The following APAF1 variants were observed in gnomAD, a reference collection of about 807,000 sequenced individuals.
The protein encoded by APAF1 is apoptotic protease-activating factor 1.
Under a neutral mutation model 152.4 loss-of-function variants are expected in APAF1, and 91 were observed. The observed-to-expected ratio is 0.60, with a 90% confidence interval of 0.50 to 0.71. APAF1 has a LOEUF of 0.71. Ranked by LOEUF, APAF1 falls within the 30% of genes least tolerant of loss-of-function variation. The pLI is 0.00. For missense variants in APAF1, 1,283 were observed against 1,472.0 expected, an observed-to-expected ratio of 0.87 and a Z score of 2.10; for synonymous variants, 484 against 494.1, an observed-to-expected ratio of 0.98 and a Z score of 0.27.
rs531599884 is a variant in APAF1 at position 98,664,906 on chromosome 12, A to G, written c.956-647A>G. On this transcript the variant is annotated intron_variant, in intron 7 of 26. Transcript: ENST00000551964. ...AATATTTTTTTGAAAAAAATTTACC[A>G]GTGGCATAATATTGATATATCTTAA... is the stretch of plus-strand genomic sequence containing the variant. 2.0e-5 allele frequency among the ~76,000 whole-genome samples: 3 copies of G among 152,332 alleles called. No individual in the cohort carries two copies. In the East Asian group the frequency reaches 5.8e-4, roughly 29 times the overall value.
chr12:98,664,051 A>T (rs2097669060), intron 7 of APAF1, among the ~76,000 whole-genome samples: 1 of 151,406 alleles, frequency 6.6e-6, no homozygotes. Context: ...GACGAGTCTC[A>T]CTCTGTCGCC....
Position 98,671,620 on chromosome 12 carries a change from A to G in APAF1, c.1694A>G (p.Gln565Arg), listed in dbSNP as rs758454889. 1.9e-6 allele frequency: 3 copies of G among 1,613,978 alleles called. No individual in the cohort carries two copies. Among genetic ancestry groups the G allele is most frequent in the Non-Finnish European group, 2.5e-6 (3 of 1,179,994 alleles). ...LGRQPFPNIVQLGLCEPETSE... is the reference protein window; with the variant it reads ...LGRQPFPNIVRLGLCEPETSE... ...CGACAGCCATTTCCTAATATTGTAC[A>G]ACTGGGTCTCTGTGAGCCGGAAACT... The change falls in exon 12 of 27, where the codon CAA becomes CGA. Residue 565 changes from glutamine to arginine, a missense_variant. Physicochemically the swap from Gln to Arg is conservative, Grantham distance 43 (BLOSUM62 1). Coordinates refer to ENST00000551964, the MANE Select transcript of APAF1 (RefSeq NM_181861.2).
chr12:98,691,383 CA>C (rs1210013609), intron 16 of APAF1, among the ~76,000 whole-genome samples: 1 of 152,038 alleles, frequency 6.6e-6, no homozygotes, highest in Non-Finnish European at 1.5e-5. Context: ...CTTATAAAGC[CA>C]AAAAGTGAAA....
chr12:98,705,402 C>CA (rs1448051381), intron 18 of APAF1, among the ~76,000 whole-genome samples: 2 of 152,132 alleles, frequency 1.3e-5, no homozygotes, highest in African/African-American at 4.8e-5. Context: ...GAACCACTTT[C>CA]ATTTTTGGCC....
chr12:98,653,689 A>ATATAT (rs1335358276), intron 4 of APAF1, among the ~76,000 whole-genome samples: 61 of 23,962 alleles, frequency 2.5e-3, no homozygotes, highest in Non-Finnish European at 4.2e-3. Flanking sequence ...AAAAAAAAAA[A>ATATAT]AAATATATAT....
intron 10 of APAF1, 40 bp downstream of exon 10, chr12:98,667,684 C>T: frequency 6.2e-7 from 1 of 1,602,558 alleles, no homozygotes; most frequent in Non-Finnish European, 8.5e-7. Context: ...TCTGACTTCC[C>T]TTTTTCCATA....
intron 16 of APAF1, among the ~76,000 whole-genome samples, chr12:98,696,714 T>C (rs2097710342): frequency 6.6e-6 from 1 of 152,106 alleles, no homozygotes; most frequent in Non-Finnish European, 1.5e-5. Flanking sequence ...CAGGCTGGTC[T>C]TGAACTCCTG....
chr12:98,653,784 A>G lies in APAF1; in HGVS notation c.526+4100A>G, dbSNP rs565512048. ...AACCCAGTTGTCTTTTGAAATTTCA[A>G]TGCTTTAATTTTTTCTTATTTGTAG... On this transcript the variant is annotated intron_variant, in intron 4 of 26. Transcript: ENST00000551964. 7.5e-4 allele frequency among the ~76,000 whole-genome samples: 103 copies of G among 137,638 alleles called. 1 individual carries two copies. The highest frequency in any genetic ancestry group is 2.5e-3 in the African/African-American group (93 of 37,346). 90.3% of individuals were successfully genotyped at this position (137,638 alleles called of 152,430 possible).
chr12:98,694,280 T>A (rs951927888), intron 16 of APAF1, among the ~76,000 whole-genome samples: 1 of 152,236 alleles, frequency 6.6e-6, no homozygotes, highest in Admixed American at 6.5e-5. Flanking sequence ...AAGTGGAACC[T>A]AATTAAATGA....
Position 98,659,146 on chromosome 12 carries a change from C to T in APAF1, c.527-14C>T, listed in dbSNP as rs1183837755. 1 of 1,613,750 alleles carries T rather than the reference C, an allele frequency of 6.2e-7. No individual in the cohort carries two copies. The highest frequency in any genetic ancestry group is 1.3e-5 in the African/African-American group (1 of 74,906). On this transcript the variant is annotated splice_polypyrimidine_tract_variant and intron_variant, in intron 4 of 26. Coordinates refer to ENST00000551964, the MANE Select transcript of APAF1 (RefSeq NM_181861.2). ...GTTGAAAGGCCTTAAGTTCATTATT[C>T]TTTCCCTCACTAGGTTGTTTCCCAG...
At chr12:98,704,755 G>A (rs1011150774) in intron 18 of APAF1, among the ~76,000 whole-genome samples, 1 of 152,106 alleles carries the variant, frequency 6.6e-6, no homozygotes, top group African/African-American at 2.4e-5. Flanking sequence ...GTTGGGCAGA[G>A]ACTTTGAATT....
chr12:98,714,311 A>G (rs975534868), intron 21 of APAF1, among the ~76,000 whole-genome samples: 1 of 152,260 alleles, frequency 6.6e-6, no homozygotes, highest in Non-Finnish European at 1.5e-5. Context: ...TAAATAATAC[A>G]TAATGAACCA....
At position 98,646,381 on chromosome 12, in the gene APAF1, T is replaced by C. The variant is rs74618286; in HGVS notation, c.-42+546T>C. 6.5e-3 allele frequency among the ~76,000 whole-genome samples: 997 copies of C among 152,370 alleles called. 13 individuals carry two copies. Among genetic ancestry groups the C allele is most frequent in the African/African-American group, 0.023 (938 of 41,584 alleles). ...ATCAGTTTTGTGCCCCTGCTGGGCA[T>C]TTTGTAAGCCTTGACAAGCATAGGC... On this transcript the variant is annotated intron_variant, in intron 1 of 26. Transcript: ENST00000551964.
intron 21 of APAF1, among the ~76,000 whole-genome samples, chr12:98,713,994 G>A (rs1427117201): frequency 1.3e-5 from 2 of 152,132 alleles, no homozygotes; most frequent in East Asian, 3.8e-4. Flanking sequence ...TTGTTAAGAT[G>A]TGTACTATTC....
intron 26 of APAF1, among the ~76,000 whole-genome samples, chr12:98,728,072 T>G (rs1267777049): frequency 1.3e-5 from 2 of 152,146 alleles, no homozygotes; most frequent in Non-Finnish European, 1.5e-5. Flanking sequence ...TCCACAAGAC[T>G]GCTTTCCTCA....
chr12:98,726,458 G>A (rs73142316), intron 25 of APAF1: 208 of 152,742 alleles, frequency 1.4e-3, no homozygotes, highest in Admixed American at 4.1e-3. Context: ...TCCAGGAACA[G>A]GTATATAGTG....
chr12:98,715,374 G>A, intron 21 of APAF1, 53 bp from the exon 22 acceptor site: 1 of 1,576,324 alleles, frequency 6.3e-7, no homozygotes, highest in South Asian at 1.1e-5. Context: ...GGGGTGTAAT[G>A]CCTATGTATT....
intron 12 of APAF1, among the ~76,000 whole-genome samples, chr12:98,676,215 A>G (rs2097686323): frequency 6.6e-6 from 1 of 151,940 alleles, no homozygotes; most frequent in African/African-American, 2.4e-5. Context: ...ACACCTTATT[A>G]TTTATTTATT....
intron 12 of APAF1, among the ~76,000 whole-genome samples, chr12:98,673,454 A>C (rs892726959): frequency 1.0e-3 from 154 of 152,012 alleles, no homozygotes; most frequent in African/African-American, 3.2e-3. Context: ...AAAAAAAAAA[A>C]AACAAAAAAA....
Sources: allele counts gnomAD v4.1 joint callset (sites outside exome capture counted in the v4.1 genomes callset), GRCh38; gene constraint gnomAD v4.1.1; transcripts MANE v1.5; gene names NCBI Gene and HGNC (gene_info 2026-07-23, HGNC 2026-07-21).